Variants in KCNIP4 observed in about 807,000 individuals in gnomAD.
KCNIP4 encodes potassium voltage-gated channel interacting protein 4.
Under a neutral mutation model 34.0 loss-of-function variants are expected in KCNIP4, and 12 were observed. The ratio of observed to expected loss-of-function variants is 0.35; its 90% CI spans 0.23 to 0.57. The LOEUF (loss-of-function observed/expected upper bound fraction) is 0.57, where lower values mean the gene tolerates loss of function less well. KCNIP4 is among the 20% of genes least tolerant of loss of function. The probability of loss-of-function intolerance (pLI) is 0.83; values close to 1 mark genes in which losing one functional copy is unlikely to be tolerated. For synonymous variants in KCNIP4, 124 were observed against 102.2 expected (o/e 1.21, Z -1.29); for missense variants, 238 against 311.7 (o/e 0.76, Z 1.78).
At chr4:21,017,035 C>T (rs1739605971) in intron 1 of KCNIP4, among the ~76,000 whole-genome samples, 1 of 152,090 alleles carries the variant, frequency 6.6e-6, no homozygotes, top group Non-Finnish European at 1.5e-5. Context: ...AGGGTTAGAT[C>T]TGAATCACAC....
At chr4:21,232,949 T>C (rs1441758327) in intron 1 of KCNIP4, among the ~76,000 whole-genome samples, 3 of 151,686 alleles carry the variant, frequency 2.0e-5, no homozygotes, top group Non-Finnish European at 4.4e-5. Flanking sequence ...GGTGGAGAGG[T>C]TCACTGAGGG....
At position 21,634,565 on chromosome 4, in the gene KCNIP4, G is replaced by T. The variant is rs148437486; in HGVS notation, c.61+314006C>A. Among the ~76,000 whole-genome samples the T allele has an allele frequency of 3.9e-3, 592 of 152,092 alleles. 6 individuals are homozygous for T. Among genetic ancestry groups the T allele is most frequent in the African/African-American group, 0.013 (553 of 41,524 alleles). ...GGCCACAGTGAACATGATAAAGAAA[G>T]GATGCAGAAATAAAAACACAATTTG... On this transcript the variant is annotated intron_variant, in intron 1 of 8. Coordinates refer to ENST00000382152, the MANE Select transcript of KCNIP4 (RefSeq NM_025221.6).
intron 1 of KCNIP4, among the ~76,000 whole-genome samples, chr4:21,347,621 G>A (rs1450588553): frequency 6.6e-6 from 1 of 152,176 alleles, no homozygotes. Flanking sequence ...TATATCCAAC[G>A]CTCTAACAGG....
intron 1 of KCNIP4, among the ~76,000 whole-genome samples, chr4:21,538,607 T>C (rs1279270803): frequency 4.6e-5 from 7 of 152,042 alleles, no homozygotes; most frequent in Non-Finnish European, 1.0e-4. Flanking sequence ...TATTTCCTTT[T>C]CCCCCCAATA....
intron 1 of KCNIP4, among the ~76,000 whole-genome samples, chr4:21,004,300 C>T (rs1738372865): frequency 6.6e-6 from 1 of 152,128 alleles, no homozygotes; most frequent in Admixed American, 6.5e-5. Flanking sequence ...CAACTCAGTG[C>T]TCGATTCAAT....
chr4:21,514,900 A>G (rs1370403195), intron 1 of KCNIP4, among the ~76,000 whole-genome samples: 1 of 152,198 alleles, frequency 6.6e-6, no homozygotes, highest in Non-Finnish European at 1.5e-5. Context: ...AAGACATTTC[A>G]TTATTTACCA....
At chr4:21,639,199 T>C (rs1746431319) in intron 1 of KCNIP4, among the ~76,000 whole-genome samples, 1 of 152,196 alleles carries the variant, frequency 6.6e-6, no homozygotes, top group African/African-American at 2.4e-5. Context: ...TTTGCTTCTA[T>C]TTTCTTATGC....
intron 1 of KCNIP4, among the ~76,000 whole-genome samples, chr4:21,720,510 T>C (rs987716430): frequency 3.5e-5 from 5 of 143,910 alleles, no homozygotes; most frequent in Non-Finnish European, 5.9e-5. Context: ...TTGTTTTTTT[T>C]CCCCCATTCT....
chr4:21,848,633 A>G (rs556630623), intron 1 of KCNIP4: 2 of 152,138 alleles, frequency 1.3e-5, no homozygotes, highest in Non-Finnish European at 2.9e-5. Context: ...AAAAATCTAA[A>G]CGTTGCTCTA....
chr4:21,048,150 G>A (rs1348309650), intron 1 of KCNIP4, among the ~76,000 whole-genome samples: 1 of 152,220 alleles, frequency 6.6e-6, no homozygotes, highest in African/African-American at 2.4e-5. Flanking sequence ...GTAAGGTTAA[G>A]TAATGCTACA....
chr4:21,612,318 G>A (rs899742769), intron 1 of KCNIP4, among the ~76,000 whole-genome samples: 2 of 152,204 alleles, frequency 1.3e-5, no homozygotes, highest in Non-Finnish European at 2.9e-5. Context: ...TAGAAAACTG[G>A]CATGTTAATA....
chr4:21,142,749 G>C (rs1393642192), intron 1 of KCNIP4, among the ~76,000 whole-genome samples: 16 of 152,158 alleles, frequency 1.1e-4, no homozygotes, highest in Admixed American at 9.2e-4. Context: ...ACGTGTCACA[G>C]CTATTTAGAA....
At chr4:21,525,718 T>C (rs1735916510) in intron 1 of KCNIP4, among the ~76,000 whole-genome samples, 1 of 152,076 alleles carries the variant, frequency 6.6e-6, no homozygotes, top group Non-Finnish European at 1.5e-5. Context: ...GATTCAGAGG[T>C]GTAGGAAGAA....
chr4:21,618,770 C>G (rs1358008776), intron 1 of KCNIP4, among the ~76,000 whole-genome samples: 1 of 150,838 alleles, frequency 6.6e-6, no homozygotes, highest in Non-Finnish European at 1.5e-5. Context: ...GTAGCTTGGA[C>G]TACAGGTGCC....
chr4:21,128,016 G>A (rs189532633), intron 1 of KCNIP4, among the ~76,000 whole-genome samples: 1 of 152,292 alleles, frequency 6.6e-6, no homozygotes, highest in East Asian at 1.9e-4. Context: ...CATTTGCCTT[G>A]CATAATCATC....
chr4:20,849,251 G>T (rs1423780792), intron 3 of KCNIP4, among the ~76,000 whole-genome samples: 1 of 152,018 alleles, frequency 6.6e-6, no homozygotes, highest in Admixed American at 6.6e-5. Context: ...CTTTGCAGAT[G>T]ATCAAATTTT....
intron 1 of KCNIP4, among the ~76,000 whole-genome samples, chr4:21,197,110 G>A (rs956644456): frequency 6.6e-5 from 10 of 152,060 alleles, no homozygotes; most frequent in South Asian, 6.2e-4. Context: ...TTTTAAAGCC[G>A]TATAATATTC....
intron 3 of KCNIP4, among the ~76,000 whole-genome samples, chr4:20,801,963 G>A (rs1714291499): frequency 6.6e-6 from 1 of 151,540 alleles, no homozygotes. Context: ...AACTAAAAGA[G>A]AGCAAGAGTG....
intron 1 of KCNIP4, among the ~76,000 whole-genome samples, chr4:21,273,319 T>C (rs915478624): frequency 4.6e-5 from 7 of 152,144 alleles, no homozygotes; most frequent in Non-Finnish European, 8.8e-5. Context: ...ACTGTTCTAA[T>C]GGACAGTATG....
Sources: gnomAD v4.1 joint callset for allele counts (sites outside exome capture counted in the v4.1 genomes callset) on GRCh38, gnomAD v4.1.1 for gene constraint, MANE v1.5 for transcripts, NCBI Gene and HGNC (gene_info 2026-07-23, HGNC 2026-07-21) for gene names.